Variants in GPHN observed in about 807,000 individuals in gnomAD.
The protein encoded by GPHN is gephyrin.
A neutral mutation model predicts 95.5 loss-of-function variants in GPHN; 17 were observed. That is an observed-to-expected ratio of 0.18 (90% CI 0.12 to 0.27). GPHN has a LOEUF of 0.27. Among genes scored for constraint, GPHN ranks in the 10% least tolerant of loss-of-function variants. The probability of loss-of-function intolerance (pLI) is 1.00; values close to 1 mark genes in which losing one functional copy is unlikely to be tolerated. For synonymous variants in GPHN, 320 were observed against 322.5 expected (o/e 0.99, Z 0.08); for missense variants, 660 against 978.1 (o/e 0.67, Z 4.34).
chr14:67,733,018 GC>G, the GPHN span, among the ~76,000 whole-genome samples: 1 of 152,074 alleles, frequency 6.6e-6, no homozygotes, highest in Non-Finnish European at 1.5e-5. Context: ...TATACCTAAT[GC>G]TAAATGACGA....
chr14:67,274,326 C>T, the GPHN span, among the ~76,000 whole-genome samples: 5 of 152,200 alleles, frequency 3.3e-5, no homozygotes, highest in Non-Finnish European at 5.9e-5. Context: ...GATCCAGTTT[C>T]AGCTTTCTAC....
chr14:66,763,515 T>G (rs957004912), intron 2 of GPHN, among the ~76,000 whole-genome samples: 2 of 150,558 alleles, frequency 1.3e-5, no homozygotes, highest in African/African-American at 4.9e-5. Context: ...CTTGCGATGG[T>G]TTACTGAGAA....
the GPHN span, among the ~76,000 whole-genome samples, chr14:67,446,267 C>T: frequency 6.6e-6 from 1 of 152,182 alleles, no homozygotes; most frequent in South Asian, 2.1e-4. Context: ...CCACCTGCCC[C>T]AAGAGCAGAA....
At chr14:67,274,608 C>G in the GPHN span, among the ~76,000 whole-genome samples, 2 of 152,122 alleles carry the variant, frequency 1.3e-5, no homozygotes, top group Admixed American at 6.5e-5. Flanking sequence ...AATGCGGGCT[C>G]TTTTTTGGTT....
the GPHN span, chr14:67,385,131 C>G: frequency 2.0e-5 from 3 of 152,086 alleles, no homozygotes; most frequent in Non-Finnish European, 4.4e-5. Flanking sequence ...GAGAATAGAT[C>G]AGTATTTCAC....
At chr14:67,342,693 TTAA>T in the GPHN span, among the ~76,000 whole-genome samples, 1 of 150,518 alleles carries the variant, frequency 6.6e-6, no homozygotes, top group African/African-American at 2.4e-5. Flanking sequence ...AATATAACAG[TTAA>T]TATATTTCTA....
intron 1 of GPHN, among the ~76,000 whole-genome samples, chr14:66,616,781 C>G (rs1281936618): frequency 7.9e-5 from 12 of 152,054 alleles, no homozygotes; most frequent in Admixed American, 1.3e-4. Flanking sequence ...CATCTTGGCT[C>G]ACTGCAACCT....
chr14:67,672,733 G>A, the GPHN span, among the ~76,000 whole-genome samples: 9 of 151,928 alleles, frequency 5.9e-5, no homozygotes, highest in South Asian at 1.3e-3. Flanking sequence ...GTGAGCCACC[G>A]TACCCTGCCT....
the GPHN span, chr14:67,646,836 C>A: frequency 7.1e-7 from 1 of 1,399,116 alleles, no homozygotes; most frequent in Admixed American, 1.7e-5. Context: ...CAGGTCACTA[C>A]AACAAACCCA....
the GPHN span, among the ~76,000 whole-genome samples, chr14:67,451,599 T>G: frequency 6.6e-6 from 1 of 152,210 alleles, no homozygotes. Context: ...GCATGGGGCC[T>G]GTAGCCCTTT....
chr14:67,578,253 G>C, the GPHN span: 1 of 1,488,030 alleles, frequency 6.7e-7, no homozygotes, highest in East Asian at 2.3e-5. This position sits in a 1 kb window ranked among gnomAD's most constrained non-coding sequence, Gnocchi z 5.0. Flanking sequence ...AGGGCTGCCA[G>C]GTGGGAAAGG....
At chr14:67,695,608 A>T in the GPHN span, 1 of 1,602,182 alleles carries the variant, frequency 6.2e-7, no homozygotes, top group Non-Finnish European at 8.5e-7. Context: ...TTCTCAAGAG[A>T]AGGCAATACA....
intron 8 of GPHN, among the ~76,000 whole-genome samples, chr14:66,938,778 A>G (rs1050376237): frequency 6.6e-6 from 1 of 152,226 alleles, no homozygotes; most frequent in East Asian, 1.9e-4. Flanking sequence ...TAGATGACAG[A>G]CTATTGTTAA....
chr14:66,564,418 TATC>T (rs2060378587), intron 1 of GPHN, among the ~76,000 whole-genome samples: 1 of 152,142 alleles, frequency 6.6e-6, no homozygotes, highest in South Asian at 2.1e-4. Context: ...CTCAATATAT[TATC>T]TTTTACTTTT....
chr14:66,929,520 A>G (rs1247419449), intron 8 of GPHN, among the ~76,000 whole-genome samples: 1 of 152,106 alleles, frequency 6.6e-6, no homozygotes, highest in Non-Finnish European at 1.5e-5. Context: ...TATGTTTACA[A>G]TTGTCATATC....
chr14:66,937,655 G>C (rs924096332), intron 8 of GPHN, among the ~76,000 whole-genome samples: 2 of 152,180 alleles, frequency 1.3e-5, no homozygotes, highest in Non-Finnish European at 2.9e-5. Flanking sequence ...TGGATTACAG[G>C]CATGAGCCAC....
At chr14:67,674,548 G>A in the GPHN span, 2 of 1,458,642 alleles carry the variant, frequency 1.4e-6, no homozygotes, top group South Asian at 1.3e-5. Context: ...CCCTTTCCTA[G>A]CCCGGCGGTC....
At chr14:67,621,536 A>T in the GPHN span, among the ~76,000 whole-genome samples, 33 of 151,386 alleles carry the variant, frequency 2.2e-4, no homozygotes, top group South Asian at 6.5e-3. Context: ...GCTCATTGCA[A>T]CCTCCACCTT....
At chr14:67,181,802 AATGTAATGTGTTGGCCTCGTTATTTAAAG>A in exon 23 of GPHN, 1 of 186,462 alleles carries the variant, frequency 5.4e-6, no homozygotes, top group Non-Finnish European at 1.1e-5. Context: ...ATTATTTAAA[AATGTAATGTGTTGGCCTCGTTATTTAAAG>A]AGAGAAGATT....
Sources: gnomAD v4.1 joint callset for allele counts (sites outside exome capture counted in the v4.1 genomes callset) on GRCh38, gnomAD v4.1.1 for gene constraint, Gnocchi (gnomAD v3.1) non-coding constraint, MANE v1.5 for transcripts, NCBI Gene and HGNC (gene_info 2026-07-23, HGNC 2026-07-21) for gene names.